The following TMPRSS11F variants were observed in gnomAD, a reference collection of about 807,000 sequenced individuals.
TMPRSS11F encodes transmembrane serine protease 11F.
Under a neutral mutation model 60.2 loss-of-function variants are expected in TMPRSS11F, and 47 were observed. The ratio of observed to expected loss-of-function variants is 0.78; its 90% CI spans 0.62 to 1.00. TMPRSS11F has a LOEUF of 1.00. Ranked by LOEUF, TMPRSS11F falls within the 50% of genes least tolerant of loss-of-function variation. TMPRSS11F has a pLI of 0.00. For missense variants in TMPRSS11F, 519 were observed against 522.9 expected (o/e 0.99, Z 0.07); for synonymous variants, 166 against 167.3 (o/e 0.99, Z 0.06).
At chr4:68,064,467 G>T (rs1723277846) in intron 8 of TMPRSS11F, among the ~76,000 whole-genome samples, 1 of 152,148 alleles carries the variant, frequency 6.6e-6, no homozygotes, top group South Asian at 2.1e-4. Flanking sequence ...CATTACAGGT[G>T]TGAGCCACCA....
At chr4:68,114,038 A>G (rs1724463904) in intron 1 of TMPRSS11F, among the ~76,000 whole-genome samples, 1 of 152,118 alleles carries the variant, frequency 6.6e-6, no homozygotes, top group Non-Finnish European at 1.5e-5. Flanking sequence ...CTTAGGAATT[A>G]AAAAGAAGTA....
chr4:68,107,845 G>A (rs1724333832), intron 1 of TMPRSS11F, among the ~76,000 whole-genome samples: 1 of 152,292 alleles, frequency 6.6e-6, no homozygotes, highest in East Asian at 1.9e-4. Context: ...GCTGAGGCAG[G>A]AGAATCGCTT....
chr4:68,053,796 G>T lies in TMPRSS11F; in HGVS notation c.*113C>A. ...TATTAGATTTGTCTGGGTCTGAAGGGCTTCTTGACATCTAGCAAAAGCACT... is the reference window on the plus strand; with the variant it reads ...TATTAGATTTGTCTGGGTCTGAAGGTCTTCTTGACATCTAGCAAAAGCACT... On this transcript the variant is annotated 3_prime_UTR_variant, in exon 10 of 10. Transcript: ENST00000356291. 1.8e-6 allele frequency: 2 copies of T among 1,098,892 alleles called. No homozygotes were observed. The highest frequency in any genetic ancestry group is 2.6e-6 in the Non-Finnish European group (2 of 765,014). The allele number at this position is 1,098,892 out of a possible 1,614,324, so 68.1% of individuals were successfully genotyped here.
chr4:68,078,324 C>T (rs1465817220), intron 3 of TMPRSS11F, among the ~76,000 whole-genome samples: 1 of 152,198 alleles, frequency 6.6e-6, no homozygotes, highest in Non-Finnish European at 1.5e-5. Context: ...TACAACCTTA[C>T]CTTACTTGAG....
At position 68,072,370 on chromosome 4, in the gene TMPRSS11F, G is replaced by T; in HGVS notation, c.467C>A (p.Thr156Asn). Residue 156 changes from threonine (T) to asparagine (N), a missense_variant, in exon 5 of 10, where the codon ACC (threonine) becomes AAC (asparagine). Coordinates refer to ENST00000356291, the MANE Select transcript of TMPRSS11F (RefSeq NM_207407.2). ...GTTTATGGTCAAAGACAATTGTTTG[G>T]TCTTCAAACTTTGATATAAAGCCTT... is the stretch of plus-strand genomic sequence containing the variant. ...IEKALYQSLK[T>N]KQLSLTINKP... 1 of 1,605,036 alleles carries T rather than the reference G, an allele frequency of 6.2e-7. No individual in the cohort carries two copies.
intron 8 of TMPRSS11F, 56 bp downstream of exon 8, chr4:68,064,629 G>A (rs1286655044): frequency 6.4e-7 from 1 of 1,565,682 alleles, no homozygotes; most frequent in Non-Finnish European, 8.7e-7. Flanking sequence ...AAGATAGATA[G>A]CTCGTTTGAT....
intron 1 of TMPRSS11F, among the ~76,000 whole-genome samples, chr4:68,121,582 T>C (rs1475359096): frequency 6.6e-6 from 1 of 152,214 alleles, no homozygotes; most frequent in Admixed American, 6.5e-5. Context: ...GTGCAGTTTC[T>C]GACAAAATAA....
At chr4:68,066,836 A>G (rs1452191687) in intron 7 of TMPRSS11F, among the ~76,000 whole-genome samples, 3 of 151,390 alleles carry the variant, frequency 2.0e-5, no homozygotes, top group African/African-American at 7.3e-5. Flanking sequence ...CGGGAGGCTG[A>G]GGCAGGAGAA....
At chr4:68,063,797 A>C (rs1723258653) in intron 8 of TMPRSS11F, among the ~76,000 whole-genome samples, 1 of 152,202 alleles carries the variant, frequency 6.6e-6, no homozygotes, top group South Asian at 2.1e-4. Flanking sequence ...GGACACAGGA[A>C]AAAGATACAG....
At chr4:68,109,205 C>T (rs550706206) in intron 1 of TMPRSS11F, among the ~76,000 whole-genome samples, 19 of 152,184 alleles carry the variant, frequency 1.2e-4, no homozygotes, top group African/African-American at 2.6e-4. Flanking sequence ...TGTAACCTAA[C>T]GCTATTCTAG....
At chr4:68,124,841 T>C (rs1363148617) in intron 1 of TMPRSS11F, among the ~76,000 whole-genome samples, 1 of 152,158 alleles carries the variant, frequency 6.6e-6, no homozygotes, top group Non-Finnish European at 1.5e-5. Flanking sequence ...TTTGTTTTGT[T>C]TTTCTATTTT....
At chr4:68,123,841 T>G (rs536051986) in intron 1 of TMPRSS11F, among the ~76,000 whole-genome samples, 1 of 152,348 alleles carries the variant, frequency 6.6e-6, no homozygotes, top group South Asian at 2.1e-4. Context: ...TACAATCTAT[T>G]CAAGTCTATA....
At chr4:68,058,004 A>C (rs1201282235) in intron 9 of TMPRSS11F, among the ~76,000 whole-genome samples, 1 of 152,218 alleles carries the variant, frequency 6.6e-6, no homozygotes, top group Non-Finnish European at 1.5e-5. Context: ...CTATATGTGC[A>C]ATCTAAAAAA....
At chr4:68,090,494 TAAA>T in intron 3 of TMPRSS11F, 26 bp downstream of exon 3, 1 of 1,560,814 alleles carries the variant, frequency 6.4e-7, no homozygotes, top group African/African-American at 1.4e-5. Flanking sequence ...GACACATTAA[TAAA>T]CATTTAAAAT....
intron 1 of TMPRSS11F, among the ~76,000 whole-genome samples, chr4:68,104,676 G>C (rs1724264289): frequency 6.6e-6 from 1 of 152,080 alleles, no homozygotes; most frequent in Non-Finnish European, 1.5e-5. Flanking sequence ...TGTGAGAATG[G>C]ACTAGTACAC....
At chr4:68,110,921 C>T (rs1724398482) in intron 1 of TMPRSS11F, among the ~76,000 whole-genome samples, 2 of 152,194 alleles carry the variant, frequency 1.3e-5, no homozygotes, top group South Asian at 4.1e-4. Context: ...TAGCAGGAGT[C>T]CAATGATGGA....
At position 68,053,696 on chromosome 4, in the gene TMPRSS11F, G is replaced by A; in HGVS notation, c.*213C>T. On this transcript the variant is annotated 3_prime_UTR_variant, in exon 10 of 10. Transcript: ENST00000356291. ...CCCTTGTGAGTAAGGAATAGGTGCTGTCTGTCATTTGCTGTGTCTTCTTCC... is the reference window on the plus strand; with the variant it reads ...CCCTTGTGAGTAAGGAATAGGTGCTATCTGTCATTTGCTGTGTCTTCTTCC... 2 of 435,014 alleles carry A rather than the reference G, an allele frequency of 4.6e-6. No homozygotes were observed. The highest frequency in any genetic ancestry group is 8.1e-6 in the Non-Finnish European group (2 of 246,316). 26.9% of individuals were successfully genotyped at this position (435,014 alleles called of 1,614,324 possible). A position where few individuals can be genotyped will look rare whatever the true frequency, so the allele number is the denominator to read the frequency against.
At chr4:68,092,904 TAA>T (rs68056167) in intron 2 of TMPRSS11F, among the ~76,000 whole-genome samples, 43,557 of 151,862 alleles carry the variant, frequency 0.29, 6,305 homozygotes, top group East Asian at 0.49. Flanking sequence ...GCTAAAAATA[TAA>T]GTTATATATG....
chr4:68,079,914 T>C (rs1158511916), intron 3 of TMPRSS11F, among the ~76,000 whole-genome samples: 1 of 152,268 alleles, frequency 6.6e-6, no homozygotes, highest in African/African-American at 2.4e-5. Flanking sequence ...TGAGCTCACA[T>C]CTTTCCTTTG....
Sources: allele counts gnomAD v4.1 joint callset (sites outside exome capture counted in the v4.1 genomes callset), GRCh38; gene constraint gnomAD v4.1.1; transcripts MANE v1.5; gene names NCBI Gene and HGNC (gene_info 2026-07-23, HGNC 2026-07-21).